The following CA10 variants were observed in gnomAD, a reference collection of about 807,000 sequenced individuals.
CA10 encodes carbonic anhydrase 10 (inactive).
In CA10, 14 loss-of-function variants were observed where a neutral mutation model predicts 44.2. The ratio of observed to expected loss-of-function variants is 0.32; its 90% CI spans 0.21 to 0.50. The LOEUF (loss-of-function observed/expected upper bound fraction) is 0.50, where lower values mean the gene tolerates loss of function less well. Ranked by LOEUF, CA10 falls within the 20% of genes least tolerant of loss-of-function variation. The pLI is 0.99. For missense variants in CA10, 350 were observed against 409.7 expected, an observed-to-expected ratio of 0.85 and a Z score of 1.26; for synonymous variants, 159 against 141.6, an observed-to-expected ratio of 1.12 and a Z score of -0.87.
At chr17:51,960,224 T>C (rs540628300) in intron 2 of CA10, among the ~76,000 whole-genome samples, 3 of 151,876 alleles carry the variant, frequency 2.0e-5, no homozygotes, top group Non-Finnish European at 4.4e-5. Flanking sequence ...TAATCCTTTA[T>C]AAATAAGAGA....
chr17:52,018,783 A>C (rs1459565022), intron 2 of CA10, among the ~76,000 whole-genome samples: 1 of 152,034 alleles, frequency 6.6e-6, no homozygotes, highest in Non-Finnish European at 1.5e-5. Flanking sequence ...AAGAAGTAAT[A>C]TGGTATGGAT....
intron 4 of CA10, among the ~76,000 whole-genome samples, chr17:51,720,358 A>G (rs1916315520): frequency 6.6e-6 from 1 of 152,116 alleles, no homozygotes; most frequent in Non-Finnish European, 1.5e-5. Flanking sequence ...AACACTTTTA[A>G]TCATATCTGA....
chr17:51,910,114 G>A (rs929719699), intron 3 of CA10, among the ~76,000 whole-genome samples: 11 of 152,050 alleles, frequency 7.2e-5, no homozygotes, highest in African/African-American at 2.7e-4. Context: ...ATGAATAACA[G>A]AAGGGGAGGC....
intron 3 of CA10, among the ~76,000 whole-genome samples, chr17:51,883,300 C>A (rs532354541): frequency 6.6e-6 from 1 of 152,226 alleles, no homozygotes; most frequent in Admixed American, 6.5e-5. Context: ...TGTGTATACT[C>A]AATGTTCTGT....
intron 1 of CA10, among the ~76,000 whole-genome samples, chr17:52,100,957 A>G (rs1053703835): frequency 6.6e-6 from 1 of 152,174 alleles, no homozygotes; most frequent in East Asian, 1.9e-4. Context: ...CGCTACTCTG[A>G]CTTACAGTCC....
Position 51,848,435 on chromosome 17 carries a change from G to A in CA10, c.279+82555C>T, listed in dbSNP as rs79700322. Among the ~76,000 whole-genome samples the A allele has an allele frequency of 7.9e-5, 12 of 152,298 alleles. 2 individuals carry two copies. The East Asian group carries it at 2.3e-3, about 29-fold the overall frequency. On this transcript the variant is annotated intron_variant, in intron 3 of 8. Coordinates refer to ENST00000451037, the MANE Select transcript of CA10 (RefSeq NM_020178.5). Reference sequence around the variant, plus strand: ...TAAATTGGTCTGATATTAACTATCTGTTGACTCATATACTCATTCAGCAAG... The same window carrying A: ...TAAATTGGTCTGATATTAACTATCTATTGACTCATATACTCATTCAGCAAG...
intron 2 of CA10, among the ~76,000 whole-genome samples, chr17:51,938,112 C>G (rs1301884170): frequency 1.3e-5 from 2 of 152,162 alleles, no homozygotes; most frequent in East Asian, 3.9e-4. Context: ...ACAGAACCAT[C>G]AGAAGGTGGC....
rs533231900 is a variant in CA10 at position 51,955,104 on chromosome 17, C to G, written c.137-23972G>C. Among the ~76,000 whole-genome samples the G allele has an allele frequency of 2.0e-5, 3 of 152,146 alleles. No homozygotes were observed. The Middle Eastern group carries it at 0.01, about 518-fold the overall frequency. On this transcript the variant is annotated intron_variant, in intron 2 of 8. Coordinates refer to ENST00000451037, the MANE Select transcript of CA10 (RefSeq NM_020178.5). ...ATGGCCTTCATAAAGGAACTGAAAA[C>G]TTTGGGAGAAGTACTGAAAGGAATA... is the stretch of plus-strand genomic sequence containing the variant.
intron 2 of CA10, among the ~76,000 whole-genome samples, chr17:51,944,594 A>C (rs578163674): frequency 6.6e-6 from 1 of 152,298 alleles, no homozygotes; most frequent in South Asian, 2.1e-4. Context: ...CACATAAAGA[A>C]TATTGGTGCC....
intron 2 of CA10, among the ~76,000 whole-genome samples, chr17:51,962,139 CCTTT>C (rs1428131722): frequency 2.0e-5 from 3 of 152,256 alleles, no homozygotes; most frequent in African/African-American, 7.2e-5. Context: ...ACTGCCCCAC[CCTTT>C]CTGTGCAGAA....
At chr17:51,903,821 A>G (rs1312655573) in intron 3 of CA10, among the ~76,000 whole-genome samples, 1 of 152,160 alleles carries the variant, frequency 6.6e-6, no homozygotes, top group African/African-American at 2.4e-5. Context: ...TTAGAACACA[A>G]AGAAAGAGAA....
intron 2 of CA10, among the ~76,000 whole-genome samples, chr17:52,003,004 A>G (rs1268960756): frequency 6.6e-6 from 1 of 151,940 alleles, no homozygotes; most frequent in Non-Finnish European, 1.5e-5. Context: ...CTTCAGAAAT[A>G]AGGAGACAAA....
At chr17:52,099,558 C>T (rs1227819037) in intron 1 of CA10, among the ~76,000 whole-genome samples, 1 of 152,120 alleles carries the variant, frequency 6.6e-6, no homozygotes, top group African/African-American at 2.4e-5. Flanking sequence ...GGAGAGAACA[C>T]AAGAGTTTCA....
chr17:52,017,672 G>A (rs1390903987), intron 2 of CA10, among the ~76,000 whole-genome samples: 3 of 152,108 alleles, frequency 2.0e-5, no homozygotes, highest in African/African-American at 7.2e-5. Context: ...GTAAAAATCT[G>A]GAAAATTTAC....
chr17:51,700,791 A>T (rs1401463692), intron 4 of CA10, among the ~76,000 whole-genome samples: 1 of 152,128 alleles, frequency 6.6e-6, no homozygotes, highest in African/African-American at 2.4e-5. Context: ...GCTGGAAGCC[A>T]TTATCCTTAG....
chr17:51,691,907 G>A (rs1346057076), intron 4 of CA10, among the ~76,000 whole-genome samples: 2 of 152,060 alleles, frequency 1.3e-5, no homozygotes, highest in African/African-American at 4.8e-5. Flanking sequence ...ATGTTGCTGA[G>A]AAAAAAATCC....
intron 4 of CA10, among the ~76,000 whole-genome samples, chr17:51,656,019 G>A (rs1218571281): frequency 2.0e-5 from 3 of 152,164 alleles, no homozygotes; most frequent in African/African-American, 4.8e-5. Context: ...ATGTTGCCAG[G>A]TGGTGGAAGA....
chr17:51,655,318 G>A (rs1913749896), intron 4 of CA10, among the ~76,000 whole-genome samples: 1 of 152,092 alleles, frequency 6.6e-6, no homozygotes, highest in Non-Finnish European at 1.5e-5. Context: ...TTCTGTAATG[G>A]TGTTAGCATT....
intron 3 of CA10, among the ~76,000 whole-genome samples, chr17:51,821,781 C>A (rs1377718378): frequency 6.6e-6 from 1 of 152,114 alleles, no homozygotes; most frequent in African/African-American, 2.4e-5. Flanking sequence ...TAATACCAAG[C>A]TACTTTAATA....
Sources: allele counts gnomAD v4.1 joint callset (sites outside exome capture counted in the v4.1 genomes callset), GRCh38; gene constraint gnomAD v4.1.1; transcripts MANE v1.5; gene names NCBI Gene and HGNC (gene_info 2026-07-23, HGNC 2026-07-21).